The following UBAC2 variants were observed in gnomAD, a reference collection of about 807,000 sequenced individuals.
UBAC2 encodes the protein ubiquitin-associated domain-containing protein 2.
Under a neutral mutation model 44.0 loss-of-function variants are expected in UBAC2, and 26 were observed. That is an observed-to-expected ratio of 0.59 (90% CI 0.43 to 0.82). The LOEUF is 0.82. UBAC2 is among the 40% of genes least tolerant of loss of function. The probability of loss-of-function intolerance (pLI) is 0.00; values close to 1 mark genes in which losing one functional copy is unlikely to be tolerated. For synonymous variants in UBAC2, 155 were observed against 154.3 expected (o/e 1.00, Z -0.04); for missense variants, 329 against 419.4 (o/e 0.78, Z 1.88).
intron 4 of UBAC2, among the ~76,000 whole-genome samples, chr13:99,248,609 C>T (rs1006527019): frequency 2.0e-5 from 3 of 152,180 alleles, no homozygotes; most frequent in Admixed American, 6.5e-5. Context: ...TCACAAACTC[C>T]TGACCTCAGG....
In UBAC2 at chr13:99,385,307, T is replaced by C; in HGVS notation, c.1007T>C (p.Val336Ala). 1 of 1,614,110 alleles carries C rather than the reference T, an allele frequency of 6.2e-7. No individual in the cohort carries two copies. Among genetic ancestry groups the C allele is most frequent in the Non-Finnish European group, 8.5e-7 (1 of 1,180,012 alleles). ...AGAGCTTCAAACAATGACCTCAATGTCGCCACCAACTTCCTGCTGCAGCAC... is the reference window on the plus strand; with the variant it reads ...AGAGCTTCAAACAATGACCTCAATGCCGCCACCAACTTCCTGCTGCAGCAC... Reference protein sequence around the residue: ...ALRASNNDLNVATNFLLQH With the variant: ...ALRASNNDLNAATNFLLQH Residue 336 changes from valine (V) to alanine (A), a missense_variant, in exon 9 of 9, where the codon GTC becomes GCC. Coordinates refer to ENST00000403766, the MANE Select transcript of UBAC2 (RefSeq NM_001144072.2).
At chr13:99,356,135 A>T (rs1318559653) in intron 7 of UBAC2, 3 of 533,950 alleles carry the variant, frequency 5.6e-6, no homozygotes, top group Non-Finnish European at 1.2e-5. Context: ...CAGACTGTAC[A>T]CAGTAGAAGC....
At chr13:99,316,498 A>G (rs1047188603) in intron 5 of UBAC2, among the ~76,000 whole-genome samples, 3 of 152,104 alleles carry the variant, frequency 2.0e-5, no homozygotes, top group African/African-American at 7.2e-5. Context: ...TAAGTATCCA[A>G]TGACTTGAGA....
chr13:99,367,734 A>G, intron 7 of UBAC2, 53 bp from the exon 8 acceptor site: 2 of 1,612,242 alleles, frequency 1.2e-6, no homozygotes, highest in Non-Finnish European at 8.5e-7. Flanking sequence ...TCCAAGCATT[A>G]TGATGATTCT....
At chr13:99,286,432 T>C (rs1226420489) in intron 4 of UBAC2, among the ~76,000 whole-genome samples, 1 of 152,232 alleles carries the variant, frequency 6.6e-6, no homozygotes, top group Non-Finnish European at 1.5e-5. Context: ...ACCTATTCTT[T>C]GCTGGTGACT....
At chr13:99,275,372 C>T (rs2043868873) in intron 4 of UBAC2, among the ~76,000 whole-genome samples, 1 of 152,112 alleles carries the variant, frequency 6.6e-6, no homozygotes, top group African/African-American at 2.4e-5. Context: ...TGTTGCAGTC[C>T]TTTTAATTTT....
In UBAC2 at chr13:99,243,966, A is replaced by AT; in HGVS notation, c.279+19dup. The AT allele has an allele frequency of 1.3e-6, 2 of 1,512,882 alleles. No individual in the cohort carries two copies. The highest frequency in any genetic ancestry group is 8.8e-7 in the Non-Finnish European group (1 of 1,132,752). 93.7% of individuals were successfully genotyped at this position (1,512,882 alleles called of 1,614,324 possible). On this transcript the variant is annotated intron_variant, in intron 3 of 8. Transcript: ENST00000403766. ...GAAAATTTGCAGTAAGTTTTTATGT[A>AT]TTTTGTCTTTGCTACTTAGGCTGTA...
intron 6 of UBAC2, among the ~76,000 whole-genome samples, chr13:99,330,374 G>A (rs896953658): frequency 3.5e-5 from 5 of 144,112 alleles, no homozygotes; most frequent in African/African-American, 7.7e-5. Flanking sequence ...CAGGAGAATC[G>A]CTTGAACCTG....
intron 4 of UBAC2, among the ~76,000 whole-genome samples, chr13:99,288,954 C>T (rs553202357): frequency 3.3e-5 from 5 of 152,302 alleles, no homozygotes; most frequent in African/African-American, 1.2e-4. Flanking sequence ...GTGTCTCTTC[C>T]CCAATGGAGT....
rs777933832 is a variant in UBAC2, at chr13:99,200,907, C to G, written c.-2C>G. On this transcript the variant is annotated 5_prime_UTR_variant, in exon 1 of 9. Transcript: ENST00000403766. ...CTCTGGGGCTCCGAGCCCGGCGGGA[C>G]CATGTTCACCAGCACCGGCTCCAGT... The G allele has an allele frequency of 7.7e-7, 1 of 1,304,206 alleles. No homozygotes were observed. The highest frequency in any genetic ancestry group is 9.8e-7 in the Non-Finnish European group (1 of 1,018,248). 80.8% of individuals were successfully genotyped at this position (1,304,206 alleles called of 1,614,324 possible).
rs1040862842 is a variant in UBAC2, at chr13:99,285,923, T to C, written c.390-28174T>C. The stretch of plus-strand genomic sequence containing the variant: ...TCCAACGGGGTGCCAGAGTTCACAG[T>C]TCAACTCCCTGAAACTCCCTGATCC... On this transcript the variant is annotated intron_variant, in intron 4 of 8. Coordinates refer to ENST00000403766, the MANE Select transcript of UBAC2 (RefSeq NM_001144072.2). 3.3e-5 allele frequency among the ~76,000 whole-genome samples: 5 copies of C among 152,136 alleles called. No homozygotes were observed. In the South Asian group the frequency reaches 1.0e-3, roughly 32 times the overall value.
chr13:99,206,262 G>C (rs1233894101), intron 1 of UBAC2, among the ~76,000 whole-genome samples: 1 of 152,196 alleles, frequency 6.6e-6, no homozygotes, highest in Non-Finnish European at 1.5e-5. Flanking sequence ...TTGTGGGTGT[G>C]AGTGAGGACT....
At chr13:99,317,155 G>C (rs1486370357) in intron 5 of UBAC2, among the ~76,000 whole-genome samples, 1 of 152,090 alleles carries the variant, frequency 6.6e-6, no homozygotes, top group Admixed American at 6.5e-5. Flanking sequence ...TTCTTTCTGT[G>C]TGTCCTTGGT....
chr13:99,288,210 C>T (rs2044045179), intron 4 of UBAC2, among the ~76,000 whole-genome samples: 1 of 152,060 alleles, frequency 6.6e-6, no homozygotes. Context: ...GTACAGAAAC[C>T]AGAAATAAAT....
intron 4 of UBAC2, among the ~76,000 whole-genome samples, chr13:99,288,891 A>G (rs375131776): frequency 6.6e-6 from 1 of 152,328 alleles, no homozygotes; most frequent in East Asian, 1.9e-4. Flanking sequence ...AGCACTGTCT[A>G]TGTTCAGGGT....
chr13:99,370,141 G>A (rs1449240714), intron 8 of UBAC2, among the ~76,000 whole-genome samples: 4 of 152,182 alleles, frequency 2.6e-5, no homozygotes, highest in South Asian at 2.1e-4. Flanking sequence ...CATACCGACC[G>A]TGGTTAGGAA....
chr13:99,337,197 C>T (rs2044801739), intron 6 of UBAC2, among the ~76,000 whole-genome samples: 1 of 152,110 alleles, frequency 6.6e-6, no homozygotes, highest in African/African-American at 2.4e-5. Context: ...ACAAAACACC[C>T]TGTTAAGATT....
At chr13:99,315,682 T>C (rs2044479217) in intron 5 of UBAC2, among the ~76,000 whole-genome samples, 1 of 152,172 alleles carries the variant, frequency 6.6e-6, no homozygotes, top group Non-Finnish European at 1.5e-5. Context: ...ATTTTAAAGA[T>C]AGCATGAAGT....
intron 1 of UBAC2, among the ~76,000 whole-genome samples, chr13:99,213,922 C>T (rs967565157): frequency 2.0e-5 from 3 of 152,118 alleles, no homozygotes; most frequent in Admixed American, 1.3e-4. Context: ...CAGGTTCAAG[C>T]GATTCTCCTG....
Sources: gnomAD v4.1 joint callset for allele counts (sites outside exome capture counted in the v4.1 genomes callset) on GRCh38, gnomAD v4.1.1 for gene constraint, MANE v1.5 for transcripts, NCBI Gene and HGNC (gene_info 2026-07-23, HGNC 2026-07-21) for gene names.